IL1RAPL1: variants seen among roughly 807,000 people sequenced by gnomAD.
IL1RAPL1 encodes the protein interleukin-1 receptor accessory protein-like 1.
Under a neutral mutation model 48.4 loss-of-function variants are expected in IL1RAPL1, and 3 were observed. The ratio of observed to expected loss-of-function variants is 0.06; its 90% CI spans 0.03 to 0.16. The LOEUF is 0.16. Among genes scored for constraint, IL1RAPL1 ranks in the 10% least tolerant of loss-of-function variants. The pLI is 1.00. For missense variants in IL1RAPL1, 349 were observed against 530.6 expected, an observed-to-expected ratio of 0.66 and a Z score of 3.36; for synonymous variants, 185 against 187.7, an observed-to-expected ratio of 0.99 and a Z score of 0.12.
At chrX:29,359,372 T>C (rs1933347834) in intron 3 of IL1RAPL1, among the ~76,000 whole-genome samples, 1 of 111,699 alleles carries the variant, frequency 9.0e-6, no homozygotes. Context: ...ACAATAATTA[T>C]AGCTCAGTGA....
intron 6 of IL1RAPL1, among the ~76,000 whole-genome samples, chrX:29,873,329 GC>G (rs1931835947): frequency 9.0e-6 from 1 of 110,835 alleles, no homozygotes; most frequent in African/African-American, 3.3e-5. Flanking sequence ...CAGGTGGTGT[GC>G]CCCAAAATCC....
chrX:28,943,094 A>G (rs113311822), intron 2 of IL1RAPL1, among the ~76,000 whole-genome samples: 1,589 of 109,466 alleles, frequency 0.015, 26 homozygotes, highest in African/African-American at 0.05. Flanking sequence ...TGGAAGAATT[A>G]CCTTTTATTT....
intron 2 of IL1RAPL1, among the ~76,000 whole-genome samples, chrX:29,223,402 T>G (rs1485589126): frequency 8.9e-6 from 1 of 111,864 alleles, no homozygotes; most frequent in Non-Finnish European, 1.9e-5. Context: ...GTTACAAATA[T>G]TTTCTTATTA....
intron 5 of IL1RAPL1, among the ~76,000 whole-genome samples, chrX:29,418,226 AG>A (rs1253942853): frequency 2.0e-5 from 2 of 99,221 alleles, no homozygotes; most frequent in African/African-American, 7.5e-5. Flanking sequence ...CCAGGTTTCA[AG>A]CGATTCTTCT....
chrX:28,729,919 C>G (rs1226484331), intron 1 of IL1RAPL1, among the ~76,000 whole-genome samples: 1 of 110,765 alleles, frequency 9.0e-6, no homozygotes, highest in Non-Finnish European at 1.9e-5. Context: ...TGGCGTGAAC[C>G]CAGGAGGCGG....
intron 1 of IL1RAPL1, among the ~76,000 whole-genome samples, chrX:28,607,832 T>C (rs1934103200): frequency 9.0e-6 from 1 of 110,638 alleles, no homozygotes; most frequent in Non-Finnish European, 1.9e-5. Context: ...ATTAAAATCC[T>C]AAGAGTGAGT....
chrX:29,613,825 G>A (rs1298399861), intron 5 of IL1RAPL1, among the ~76,000 whole-genome samples: 3 of 98,676 alleles, frequency 3.0e-5, no homozygotes, highest in Admixed American at 1.1e-4. Context: ...GTGCAGTGGC[G>A]CAATCTCGGC....
At chrX:29,389,538 G>C (rs1933829015) in intron 3 of IL1RAPL1, among the ~76,000 whole-genome samples, 1 of 110,749 alleles carries the variant, frequency 9.0e-6, no homozygotes, top group Non-Finnish European at 1.9e-5. Context: ...AATCTACAGA[G>C]GTGAAGTTTG....
intron 2 of IL1RAPL1, among the ~76,000 whole-genome samples, chrX:28,802,412 G>C (rs1936687024): frequency 1.8e-5 from 2 of 112,240 alleles, no homozygotes; most frequent in Non-Finnish European, 3.8e-5. Context: ...ACTTTGCCAA[G>C]TTTTAAAATC....
chrX:29,128,790 T>G (rs912705739), intron 2 of IL1RAPL1, among the ~76,000 whole-genome samples: 1 of 111,380 alleles, frequency 9.0e-6, no homozygotes, highest in Non-Finnish European at 1.9e-5. Context: ...TAGAAAAAAT[T>G]GAAAATGTCA....
intron 5 of IL1RAPL1, among the ~76,000 whole-genome samples, chrX:29,415,613 G>T (rs963581956): frequency 9.0e-6 from 1 of 110,937 alleles, no homozygotes; most frequent in East Asian, 2.8e-4. Context: ...TAGAGGTGGG[G>T]TTTCACCGTT....
At chrX:28,640,723 T>TA (rs5901899) in intron 1 of IL1RAPL1, among the ~76,000 whole-genome samples, 31 of 102,790 alleles carry the variant, frequency 3.0e-4, no homozygotes, top group Admixed American at 1.3e-3. Flanking sequence ...CTCAGGAAAT[T>TA]AAAAAAAAAA....
At chrX:29,575,378 A>G (rs1361277973) in intron 5 of IL1RAPL1, among the ~76,000 whole-genome samples, 1 of 111,893 alleles carries the variant, frequency 8.9e-6, no homozygotes, top group Non-Finnish European at 1.9e-5. Context: ...CGGGGAAGCC[A>G]GCAGTGCAGC....
At chrX:29,591,617 T>C (rs1923373204) in intron 5 of IL1RAPL1, among the ~76,000 whole-genome samples, 1 of 112,306 alleles carries the variant, frequency 8.9e-6, no homozygotes, top group Admixed American at 9.4e-5. Flanking sequence ...GATGTGGTTC[T>C]CACAGCCAGT....
intron 5 of IL1RAPL1, among the ~76,000 whole-genome samples, chrX:29,516,505 A>G (rs1267026299): frequency 9.0e-6 from 1 of 111,286 alleles, no homozygotes; most frequent in Non-Finnish European, 1.9e-5. Flanking sequence ...GTTTTGCCCA[A>G]TTTTGTTATA....
chrX:29,682,035 A>T (rs1926467613), intron 6 of IL1RAPL1, among the ~76,000 whole-genome samples: 1 of 112,002 alleles, frequency 8.9e-6, no homozygotes, highest in Non-Finnish European at 1.9e-5. Flanking sequence ...TTATATGCAT[A>T]TATCAAAATA....
At position 29,393,037 on chromosome X, in the gene IL1RAPL1, C is replaced by T. The variant is rs776928210; in HGVS notation, c.363-3221C>T. ...AGCTCTTTATGAGTTTTATTGTATTCGTTTCCCACAGCAGCCTATGGAGTC... is the reference window on the plus strand; with the variant it reads ...AGCTCTTTATGAGTTTTATTGTATTTGTTTCCCACAGCAGCCTATGGAGTC... On this transcript the variant is annotated intron_variant, in intron 3 of 10. Coordinates refer to ENST00000378993, the MANE Select transcript of IL1RAPL1 (RefSeq NM_014271.4). Among the ~76,000 whole-genome samples the T allele has an allele frequency of 6.2e-5, 7 of 112,036 alleles. No individual in the cohort carries two copies. In the East Asian group the frequency reaches 1.1e-3, roughly 18 times the overall value.
At chrX:28,720,608 T>A (rs1428094254) in intron 1 of IL1RAPL1, among the ~76,000 whole-genome samples, 2 of 112,331 alleles carry the variant, frequency 1.8e-5, no homozygotes, top group African/African-American at 3.2e-5. Flanking sequence ...CTGATTTTTT[T>A]TTATTATTAT....
intron 2 of IL1RAPL1, among the ~76,000 whole-genome samples, chrX:29,139,037 G>A (rs2147490229): frequency 9.0e-6 from 1 of 111,433 alleles, no homozygotes; most frequent in African/African-American, 3.3e-5. Flanking sequence ...AGAAACTGTG[G>A]GAAAAGTGCT....
Sources: gnomAD v4.1 joint callset for allele counts (sites outside exome capture counted in the v4.1 genomes callset) on GRCh38, gnomAD v4.1.1 for gene constraint, MANE v1.5 for transcripts, NCBI Gene and HGNC (gene_info 2026-07-23, HGNC 2026-07-21) for gene names.